Variants in BAIAP2L1 observed in about 807,000 individuals in gnomAD.
BAIAP2L1 encodes BAR/IMD domain containing adaptor protein 2 like 1, also known as BAR/IMD domain-containing adapter protein 2-like 1.
A neutral mutation model predicts 66.3 loss-of-function variants in BAIAP2L1; 35 were observed. The observed-to-expected ratio is 0.53, with a 90% CI of 0.40 to 0.70. The LOEUF (loss-of-function observed/expected upper bound fraction) is 0.70. Among genes scored for constraint, BAIAP2L1 ranks in the 30% least tolerant of loss-of-function variants. The pLI is 0.00. For synonymous variants in BAIAP2L1, 269 were observed against 248.7 expected, an observed-to-expected ratio of 1.08 and a Z score of -0.77; for missense variants, 622 against 656.9, an observed-to-expected ratio of 0.95 and a Z score of 0.58.
intron 3 of BAIAP2L1, among the ~76,000 whole-genome samples, chr7:98,326,727 T>C (rs1232986409): frequency 6.6e-6 from 1 of 152,072 alleles, no homozygotes; most frequent in Non-Finnish European, 1.5e-5. Flanking sequence ...AGTACAGAGA[T>C]GGAAAATCAT....
At chr7:98,400,699 G>T in intron 1 of BAIAP2L1, 103 bp downstream of exon 1, 1 of 1,314,184 alleles carries the variant, frequency 7.6e-7, no homozygotes, top group Non-Finnish European at 1.1e-6. Flanking sequence ...GGACGCGGGG[G>T]AGGGGAGCTG....
chr7:98,310,701 T>TTTA, intron 8 of BAIAP2L1, 109 bp from the exon 9 acceptor site: 4 of 924,606 alleles, frequency 4.3e-6, no homozygotes, highest in South Asian at 2.3e-5. Context: ...TATTTATTTA[T>TTTA]TTTGAGACAG....
intron 8 of BAIAP2L1, among the ~76,000 whole-genome samples, chr7:98,311,532 C>T (rs1800868415): frequency 6.6e-6 from 1 of 150,876 alleles, no homozygotes; most frequent in African/African-American, 2.4e-5. Context: ...CAGAGCAAGA[C>T]TGTGTCTCAA....
chr7:98,327,204 T>C (rs1801395801), intron 3 of BAIAP2L1, among the ~76,000 whole-genome samples: 1 of 151,784 alleles, frequency 6.6e-6, no homozygotes, highest in African/African-American at 2.4e-5. Flanking sequence ...CTATTAAAAA[T>C]ATAAAAATTA....
At chr7:98,318,375 G>T (rs1199162025) in intron 5 of BAIAP2L1, among the ~76,000 whole-genome samples, 1 of 151,854 alleles carries the variant, frequency 6.6e-6, no homozygotes, top group Non-Finnish European at 1.5e-5. Context: ...TGCACTCTCT[G>T]CCTCCCGGGT....
At chr7:98,388,924 T>A (rs1802957727) in intron 1 of BAIAP2L1, among the ~76,000 whole-genome samples, 1 of 148,700 alleles carries the variant, frequency 6.7e-6, no homozygotes, top group Admixed American at 6.7e-5. Context: ...CAGTGAGCCA[T>A]GATCACACCA....
At chr7:98,398,534 T>C (rs1259517507) in intron 1 of BAIAP2L1, among the ~76,000 whole-genome samples, 2 of 151,692 alleles carry the variant, frequency 1.3e-5, no homozygotes, top group South Asian at 2.1e-4. Context: ...CGAACAAACA[T>C]TTAGTGAGCT....
chr7:98,330,517 C>T lies in BAIAP2L1; in HGVS notation c.215-10219G>A, dbSNP rs372822678. Among the ~76,000 whole-genome samples, 11 of 152,108 alleles carry T rather than the reference C, an allele frequency of 7.2e-5. No homozygotes were observed. In the South Asian group the frequency reaches 1.9e-3, roughly 26 times the overall value. ...TACTAAAAACACAAAATTAGCCGGG[C>T]GTGGTGGCGCACGCCTGTAATCCCA... On this transcript the variant is annotated intron_variant, in intron 3 of 13. Coordinates refer to ENST00000005260, the MANE Select transcript of BAIAP2L1 (RefSeq NM_018842.5).
intron 1 of BAIAP2L1, among the ~76,000 whole-genome samples, chr7:98,374,915 G>A (rs938054512): frequency 6.6e-6 from 1 of 151,866 alleles, no homozygotes; most frequent in Non-Finnish European, 1.5e-5. Context: ...GCAAAACCCT[G>A]TCTCTACCAA....
intron 1 of BAIAP2L1, among the ~76,000 whole-genome samples, chr7:98,400,531 G>C (rs1474938649): frequency 8.1e-6 from 1 of 122,840 alleles, no homozygotes; most frequent in Non-Finnish European, 1.7e-5. Context: ...GCGGGAAAGA[G>C]AGACAGGGAA....
intron 10 of BAIAP2L1, 144 bp downstream of exon 10, chr7:98,307,545 C>T (rs111950058): frequency 7.5e-6 from 11 of 1,463,018 alleles, no homozygotes; most frequent in African/African-American, 2.8e-5. Context: ...GATCGAATAA[C>T]TTCAGTTAAC....
chr7:98,320,701 C>T (rs1801218105), intron 3 of BAIAP2L1, among the ~76,000 whole-genome samples: 1 of 152,158 alleles, frequency 6.6e-6, no homozygotes, highest in Non-Finnish European at 1.5e-5. Context: ...AATACACTGT[C>T]CTCAGGGTCT....
chr7:98,292,199 T>A lies in BAIAP2L1; in HGVS notation c.*1322A>T, dbSNP rs569479335. ...TCAGCCTCATAGGATACTACACTTA[T>A]GGCAAGGCTAAAGGAGAGGGGATAA... On this transcript the variant is annotated 3_prime_UTR_variant, in exon 14 of 14. Coordinates refer to ENST00000005260, the MANE Select transcript of BAIAP2L1 (RefSeq NM_018842.5). The A allele has an allele frequency of 1.7e-5, 3 of 180,158 alleles. No homozygotes were observed. The highest frequency in any genetic ancestry group is 3.5e-5 in the Non-Finnish European group (3 of 84,936). 11.2% of individuals were successfully genotyped at this position (180,158 alleles called of 1,614,324 possible). A position where few individuals can be genotyped will look rare whatever the true frequency, so the allele number is the denominator to read the frequency against.
At chr7:98,352,837 TATTTAA>T (rs1312919338) in intron 3 of BAIAP2L1, among the ~76,000 whole-genome samples, 1 of 152,160 alleles carries the variant, frequency 6.6e-6, no homozygotes, top group East Asian at 1.9e-4. Flanking sequence ...GCAGAAGTCT[TATTTAA>T]ACAGTGGCAG....
Position 98,317,126 on chromosome 7 carries a change from T to C in BAIAP2L1, c.486+93A>G, listed in dbSNP as rs1450476906. 1.1e-5 allele frequency: 16 copies of C among 1,516,168 alleles called. No individual in the cohort carries two copies. The Admixed American group carries it at 1.9e-4, about 18-fold the overall frequency. 93.9% of individuals were successfully genotyped at this position (1,516,168 alleles called of 1,614,324 possible). On this transcript the variant is annotated intron_variant, in intron 6 of 13. Transcript: ENST00000005260. ...CCTCGGCCTCCCAAAGTGCTGGGAT[T>C]ACAGGCGTGAGCCACCGCACCCGGC...
chr7:98,370,717 G>GAACCACCAT lies in BAIAP2L1; in HGVS notation c.52-8286_52-8285insATGGTGGTT, dbSNP rs529844934. 8.6e-3 allele frequency among the ~76,000 whole-genome samples: 1,315 copies of GAACCACCAT among 152,070 alleles called. 19 individuals are homozygous for GAACCACCAT. The highest frequency in any genetic ancestry group is 0.03 in the African/African-American group (1,251 of 41,468). On this transcript the variant is annotated intron_variant, in intron 1 of 13. Coordinates refer to ENST00000005260, the MANE Select transcript of BAIAP2L1 (RefSeq NM_018842.5). Reference sequence around the variant, plus strand: ...GGGGTTTCACCATGTTAGCCAGGATGGTCTCGATCTCCTGACCTCATGATC... The same window carrying GAACCACCAT: ...GGGGTTTCACCATGTTAGCCAGGATGAACCACCATGTCTCGATCTCCTGACCTCATGATC...
chr7:98,314,490 C>T (rs930364440), intron 7 of BAIAP2L1, among the ~76,000 whole-genome samples: 3 of 151,956 alleles, frequency 2.0e-5, no homozygotes, highest in African/African-American at 7.3e-5. Context: ...TGGATGTTTA[C>T]AAAGGCCCAA....
rs377334401 is a variant in BAIAP2L1, at chr7:98,318,595, C to T, written c.349-1239G>A. 9.5e-4 allele frequency among the ~76,000 whole-genome samples: 143 copies of T among 151,030 alleles called. 3 individuals are homozygous for T. In the South Asian group the frequency reaches 0.026, roughly 27 times the overall value. On this transcript the variant is annotated intron_variant, in intron 5 of 13. Transcript: ENST00000005260. ...CGCCCAGTGAACACAGGGTCTTAAA[C>T]GGACCCGCGTCAGAATTCAAATCCT...
intron 2 of BAIAP2L1, among the ~76,000 whole-genome samples, chr7:98,361,534 A>C (rs1179502512): frequency 1.3e-5 from 2 of 152,044 alleles, no homozygotes; most frequent in Non-Finnish European, 2.9e-5. Flanking sequence ...TACTTGCTAC[A>C]TTTTGGGGAA....
Sources: gnomAD v4.1 joint callset for allele counts (sites outside exome capture counted in the v4.1 genomes callset) on GRCh38, gnomAD v4.1.1 for gene constraint, MANE v1.5 for transcripts, NCBI Gene and HGNC (gene_info 2026-07-23, HGNC 2026-07-21) for gene names.